NRG3: variants seen among roughly 807,000 people sequenced by gnomAD.
NRG3 encodes the protein neuregulin 3.
Under a neutral mutation model 66.9 loss-of-function variants are expected in NRG3, and 31 were observed. The ratio of observed to expected loss-of-function variants is 0.46; its 90% CI spans 0.35 to 0.63. The LOEUF (loss-of-function observed/expected upper bound fraction) is 0.63, where lower values mean the gene tolerates loss of function less well. Ranked by LOEUF, NRG3 falls within the 20% of genes least tolerant of loss-of-function variation. NRG3 has a pLI of 0.00. For synonymous variants in NRG3, 393 were observed against 359.4 expected, an observed-to-expected ratio of 1.09 and a Z score of -1.06; for missense variants, 910 against 878.9, an observed-to-expected ratio of 1.04 and a Z score of -0.45.
chr10:82,635,941 G>A (rs537553645), intron 2 of NRG3, among the ~76,000 whole-genome samples: 2 of 152,202 alleles, frequency 1.3e-5, no homozygotes, highest in Middle Eastern at 3.4e-3. Flanking sequence ...GTTGAAGTGG[G>A]TATGGGGGTG....
At chr10:82,382,502 TACTA>T (rs1171276468) in intron 2 of NRG3, among the ~76,000 whole-genome samples, 1 of 152,010 alleles carries the variant, frequency 6.6e-6, no homozygotes, top group Non-Finnish European at 1.5e-5. Context: ...TTACCTTATG[TACTA>T]AACATTTTTG....
chr10:82,656,122 A>AACAAGTTC (rs1462224272), intron 2 of NRG3, among the ~76,000 whole-genome samples: 1 of 152,180 alleles, frequency 6.6e-6, no homozygotes, highest in African/African-American at 2.4e-5. Context: ...TAAGCTTTTA[A>AACAAGTTC]ACAAGTTCAT....
chr10:82,982,463 A>G (rs1274668310), intron 8 of NRG3, among the ~76,000 whole-genome samples: 1 of 152,186 alleles, frequency 6.6e-6, no homozygotes, highest in East Asian at 1.9e-4. Flanking sequence ...CAAGAGATAC[A>G]GAACTTTGAA....
At chr10:81,905,807 C>T (rs1021716492) in intron 1 of NRG3, among the ~76,000 whole-genome samples, 11 of 152,200 alleles carry the variant, frequency 7.2e-5, no homozygotes, top group African/African-American at 2.2e-4. Context: ...TTCTATTCTG[C>T]TCTACCCTGG....
At chr10:82,121,225 G>A (rs936023299) in intron 1 of NRG3, among the ~76,000 whole-genome samples, 2 of 152,010 alleles carry the variant, frequency 1.3e-5, no homozygotes, top group Non-Finnish European at 2.9e-5. Flanking sequence ...TCTTGCTCCT[G>A]GTGACATCAT....
At chr10:82,069,202 G>A (rs1369588065) in intron 1 of NRG3, among the ~76,000 whole-genome samples, 1 of 152,158 alleles carries the variant, frequency 6.6e-6, no homozygotes, top group Non-Finnish European at 1.5e-5. Context: ...GGATTGGATA[G>A]GGGTCAGGTT....
intron 1 of NRG3, among the ~76,000 whole-genome samples, chr10:81,917,028 T>C (rs1216687234): frequency 6.6e-6 from 1 of 152,194 alleles, no homozygotes; most frequent in Non-Finnish European, 1.5e-5. Context: ...CCCCAAAACA[T>C]ATAATTTTAG....
At chr10:82,590,334 G>A (rs184074355) in intron 2 of NRG3, among the ~76,000 whole-genome samples, 64 of 152,246 alleles carry the variant, frequency 4.2e-4, no homozygotes, top group African/African-American at 1.5e-3. Flanking sequence ...TTAGCCCCTA[G>A]GGTAATTTAT....
chr10:82,913,650 G>C (rs1299675754), intron 4 of NRG3, among the ~76,000 whole-genome samples: 1 of 152,276 alleles, frequency 6.6e-6, no homozygotes, highest in South Asian at 2.1e-4. Context: ...CATAGTTTCT[G>C]TGTGGAAGTC....
Position 82,938,100 on chromosome 10 carries a change from T to C in NRG3, c.1055-13369T>C, listed in dbSNP as rs140731210. Among the ~76,000 whole-genome samples, 415 of 152,310 alleles carry C rather than the reference T, an allele frequency of 2.7e-3. 1 individual carries two copies. The highest frequency in any genetic ancestry group is 9.4e-3 in the African/African-American group (390 of 41,570). ...GTATAATTAAAGCGAATTTCTCCCT[T>C]GATTGACTGATTGATTGATTGGATT... On this transcript the variant is annotated intron_variant, in intron 4 of 8. Transcript: ENST00000372141.
chr10:82,918,627 G>C (rs1238619159), intron 4 of NRG3, among the ~76,000 whole-genome samples: 1 of 152,150 alleles, frequency 6.6e-6, no homozygotes, highest in Non-Finnish European at 1.5e-5. Flanking sequence ...CCTGGTCTTA[G>C]AGAGGGTTCA....
chr10:82,295,760 A>G (rs963708430), intron 1 of NRG3, among the ~76,000 whole-genome samples: 10 of 152,154 alleles, frequency 6.6e-5, no homozygotes, highest in Admixed American at 6.5e-5. Context: ...TATACTATGT[A>G]TATTTTCTCA....
intron 2 of NRG3, among the ~76,000 whole-genome samples, chr10:82,721,948 A>G (rs2057344908): frequency 8.0e-6 from 1 of 125,526 alleles, no homozygotes; most frequent in African/African-American, 4.0e-5. Flanking sequence ...TTGTTACAAG[A>G]AAAAAAAAAA....
intron 2 of NRG3, among the ~76,000 whole-genome samples, chr10:82,467,462 C>T (rs1840797069): frequency 6.6e-6 from 1 of 152,150 alleles, no homozygotes; most frequent in Non-Finnish European, 1.5e-5. Flanking sequence ...TTCCTTTGAT[C>T]TGAAGACAAT....
At position 82,985,268 on chromosome 10, in the gene NRG3, C is replaced by T. The variant is rs779239554; in HGVS notation, c.1754C>T (p.Thr585Ile). 6.2e-7 allele frequency: 1 copy of T among 1,614,144 alleles called. No homozygotes were observed. Among genetic ancestry groups the T allele is most frequent in the South Asian group, 1.1e-5 (1 of 91,082 alleles). The change falls in exon 9 of 9, where the codon ACC (threonine) becomes ATC (isoleucine). Residue 585 changes from threonine to isoleucine, a missense_variant. Physicochemically the swap from Thr to Ile is moderately conservative, Grantham distance 89. Transcript: ENST00000372141. The part of the protein sequence containing the change: ...PIIPSVGLEE[T>I]CLQMPGISEV... ...ATCCCTTCAGTGGGTTTAGAGGAAA[C>T]CTGCCTGCAAATGCCAGGGATTTCT...
intron 2 of NRG3, among the ~76,000 whole-genome samples, chr10:82,675,334 G>GTTC (rs2053606156): frequency 1.3e-5 from 2 of 152,130 alleles, no homozygotes; most frequent in Non-Finnish European, 2.9e-5. Context: ...ATTGGTTGGG[G>GTTC]GTGAAGTCAT....
intron 1 of NRG3, among the ~76,000 whole-genome samples, chr10:81,981,422 T>G (rs1396570358): frequency 6.6e-6 from 1 of 152,214 alleles, no homozygotes; most frequent in Non-Finnish European, 1.5e-5. Flanking sequence ...GTAGTAATCC[T>G]GTTTGGCTTA....
intron 1 of NRG3, among the ~76,000 whole-genome samples, chr10:81,892,505 G>A (rs375269946): frequency 2.0e-5 from 3 of 151,966 alleles, no homozygotes; most frequent in Admixed American, 6.6e-5. Flanking sequence ...CTAAAAAATG[G>A]TATTCCTAGG....
At chr10:82,456,401 A>C (rs1164469067) in intron 2 of NRG3, among the ~76,000 whole-genome samples, 2 of 152,038 alleles carry the variant, frequency 1.3e-5, no homozygotes. Flanking sequence ...TCCTAAGCTC[A>C]AGCAATCCTC....
Sources: gnomAD v4.1 joint callset for allele counts (sites outside exome capture counted in the v4.1 genomes callset) on GRCh38, gnomAD v4.1.1 for gene constraint, MANE v1.5 for transcripts, NCBI Gene and HGNC (gene_info 2026-07-23, HGNC 2026-07-21) for gene names.